CCNY: variants seen among roughly 807,000 people sequenced by gnomAD.
The protein encoded by CCNY is cyclin-Y.
CCNY carries 19 observed loss-of-function variants against 42.8 expected under a neutral mutation model. The observed-to-expected ratio is 0.44, with a 90% CI of 0.31 to 0.65. The LOEUF is 0.65. Ranked by LOEUF, CCNY falls within the 30% of genes least tolerant of loss-of-function variation. CCNY has a pLI of 0.07. For synonymous variants in CCNY, 165 were observed against 162.7 expected, an observed-to-expected ratio of 1.01 and a Z score of -0.11; for missense variants, 370 against 437.3, an observed-to-expected ratio of 0.85 and a Z score of 1.37.
chr10:35,453,051 T>C (rs1166775127), intron 1 of CCNY, among the ~76,000 whole-genome samples: 4 of 152,222 alleles, frequency 2.6e-5, no homozygotes, highest in Non-Finnish European at 5.9e-5. Context: ...CATCGTTCAC[T>C]GTAACTTGGA....
intron 3 of CCNY, among the ~76,000 whole-genome samples, chr10:35,293,024 C>T (rs1339879943): frequency 1.3e-5 from 2 of 152,086 alleles, no homozygotes; most frequent in Non-Finnish European, 2.9e-5. Flanking sequence ...AGGTGATCCA[C>T]CCGCCTTGGC....
intron 1 of CCNY, among the ~76,000 whole-genome samples, chr10:35,247,798 C>G (rs2095709142): frequency 6.7e-6 from 1 of 148,968 alleles, no homozygotes; most frequent in African/African-American, 2.5e-5. Context: ...ATGGCGTAAA[C>G]CCAGGAGGTG....
chr10:35,567,066 T>G (rs189182867), intron 9 of CCNY, among the ~76,000 whole-genome samples: 24 of 152,170 alleles, frequency 1.6e-4, no homozygotes, highest in African/African-American at 5.1e-4. Flanking sequence ...TTTAAGAAAA[T>G]TATGTCCCCC....
At chr10:35,564,068 C>T (rs1371085574) in intron 8 of CCNY, among the ~76,000 whole-genome samples, 3 of 151,836 alleles carry the variant, frequency 2.0e-5, no homozygotes, top group South Asian at 2.1e-4. Context: ...TTAGTAGAGA[C>T]GAGGTTTCAC....
At chr10:35,342,090 A>G (rs1239061785) in intron 1 of CCNY, among the ~76,000 whole-genome samples, 1 of 152,216 alleles carries the variant, frequency 6.6e-6, no homozygotes, top group African/African-American at 2.4e-5. Flanking sequence ...GTCTACAGCC[A>G]GAGAAGCTAG....
intron 1 of CCNY, among the ~76,000 whole-genome samples, chr10:35,469,380 G>A (rs1056101783): frequency 1.3e-5 from 2 of 152,066 alleles, no homozygotes; most frequent in African/African-American, 4.8e-5. Flanking sequence ...TTATCTCCTT[G>A]ATTAATCTTA....
At chr10:35,268,222 A>G (rs565379703) in intron 3 of CCNY, among the ~76,000 whole-genome samples, 8 of 152,234 alleles carry the variant, frequency 5.3e-5, no homozygotes, top group African/African-American at 1.7e-4. Flanking sequence ...TTGGTGTAAA[A>G]GAATTTAAAT....
At chr10:35,339,550 A>T (rs1441445491) in intron 1 of CCNY, among the ~76,000 whole-genome samples, 1 of 152,230 alleles carries the variant, frequency 6.6e-6, no homozygotes, top group East Asian at 1.9e-4. Flanking sequence ...TTTAAGAATC[A>T]TTGACTCTAG....
At chr10:35,489,697 GAT>G (rs1839860205) in intron 2 of CCNY, among the ~76,000 whole-genome samples, 1 of 152,090 alleles carries the variant, frequency 6.6e-6, no homozygotes, top group African/African-American at 2.4e-5. Context: ...ATCTCCAAGG[GAT>G]TTGTCAGCCA....
At chr10:35,311,079 G>A (rs1835678141) in intron 3 of CCNY, among the ~76,000 whole-genome samples, 1 of 152,210 alleles carries the variant, frequency 6.6e-6, no homozygotes, top group South Asian at 2.1e-4. Context: ...TTGGGAGGCT[G>A]AGGCAGGAGG....
At chr10:35,531,650 G>A (rs1840772862) in intron 7 of CCNY, among the ~76,000 whole-genome samples, 1 of 152,218 alleles carries the variant, frequency 6.6e-6, no homozygotes, top group Non-Finnish European at 1.5e-5. Flanking sequence ...AAAAGCAGAT[G>A]AAACCATAGA....
chr10:35,247,249 CAGG>C (rs1314931750), intron 1 of CCNY: 3 of 152,854 alleles, frequency 2.0e-5, no homozygotes, highest in Admixed American at 6.6e-5. Context: ...AGACTGCAGC[CAGG>C]AGACTTGAGA....
intron 3 of CCNY, among the ~76,000 whole-genome samples, chr10:35,273,405 A>G (rs1835197046): frequency 6.6e-6 from 1 of 151,904 alleles, no homozygotes; most frequent in African/African-American, 2.4e-5. Flanking sequence ...GGGTTTCATC[A>G]TGCTGGCCAG....
At chr10:35,536,318 A>G (rs1054718503) in intron 7 of CCNY, among the ~76,000 whole-genome samples, 1 of 152,140 alleles carries the variant, frequency 6.6e-6, no homozygotes, top group Non-Finnish European at 1.5e-5. Flanking sequence ...TGCAAGTCCA[A>G]TTAAACCTCT....
chr10:35,275,992 C>T (rs990765110), intron 3 of CCNY, among the ~76,000 whole-genome samples: 1 of 152,204 alleles, frequency 6.6e-6, no homozygotes, highest in African/African-American at 2.4e-5. Context: ...TTCACCTAGG[C>T]ATGGTTACCC....
intron 7 of CCNY, among the ~76,000 whole-genome samples, chr10:35,552,153 A>G (rs978564833): frequency 1.3e-5 from 2 of 152,230 alleles, no homozygotes; most frequent in African/African-American, 2.4e-5. Context: ...GATAAACATG[A>G]TGGTGTATAT....
At chr10:35,276,857 G>A (rs554730858) in intron 3 of CCNY, among the ~76,000 whole-genome samples, 1 of 152,332 alleles carries the variant, frequency 6.6e-6, no homozygotes, top group Admixed American at 6.5e-5. Flanking sequence ...CTGCCTTTGT[G>A]TGACAGGCCC....
chr10:35,444,988 G>C (rs1405339128), intron 1 of CCNY, among the ~76,000 whole-genome samples: 2 of 152,148 alleles, frequency 1.3e-5, no homozygotes, highest in Non-Finnish European at 2.9e-5. Flanking sequence ...GAAATTTTTA[G>C]TATTTGTGGT....
At chr10:35,432,556 T>C (rs990692172) in intron 1 of CCNY, among the ~76,000 whole-genome samples, 5 of 152,338 alleles carry the variant, frequency 3.3e-5, no homozygotes, top group Admixed American at 1.3e-4. Flanking sequence ...GTGTATTTTG[T>C]AATATTTAAG....
Sources: allele counts gnomAD v4.1 joint callset (sites outside exome capture counted in the v4.1 genomes callset), GRCh38; gene constraint gnomAD v4.1.1; transcripts MANE v1.5; gene names NCBI Gene and HGNC (gene_info 2026-07-23, HGNC 2026-07-21).